The following HS3ST4 variants were observed in gnomAD, a reference collection of about 807,000 sequenced individuals.
HS3ST4 encodes heparan sulfate glucosamine 3-O-sulfotransferase 4.
Under a neutral mutation model 29.2 loss-of-function variants are expected in HS3ST4, and 17 were observed. That is an observed-to-expected ratio of 0.58 (90% confidence interval 0.40 to 0.87). HS3ST4 has a LOEUF of 0.87. HS3ST4 is among the 40% of genes least tolerant of loss of function. The pLI is 0.00. For missense variants in HS3ST4, 627 were observed against 634.5 expected (o/e 0.99, Z 0.13); for synonymous variants, 314 against 285.7 (o/e 1.10, Z -1.00).
intron 1 of HS3ST4, among the ~76,000 whole-genome samples, chr16:26,046,687 A>G (rs2141762458): frequency 6.6e-6 from 1 of 152,212 alleles, no homozygotes; most frequent in South Asian, 2.1e-4. Context: ...AGCTTCATGT[A>G]GAGAAATTTA....
chr16:25,906,500 T>TGAGAAAGTC (rs1968182430), intron 1 of HS3ST4, among the ~76,000 whole-genome samples: 1 of 152,072 alleles, frequency 6.6e-6, no homozygotes, highest in South Asian at 2.1e-4. Context: ...GCAGTAACCA[T>TGAGAAAGTC]GAGAAAGTCC....
chr16:25,878,507 C>T (rs916059360), intron 1 of HS3ST4, among the ~76,000 whole-genome samples: 1 of 152,144 alleles, frequency 6.6e-6, no homozygotes. Context: ...AATTCTACTT[C>T]AACTAACACA....
chr16:25,925,344 GAAACA>G (rs1362335236), intron 1 of HS3ST4, among the ~76,000 whole-genome samples: 1 of 152,014 alleles, frequency 6.6e-6, no homozygotes, highest in Admixed American at 6.6e-5. Flanking sequence ...AGCTTGAAGG[GAAACA>G]GTGGCTTGGC....
intron 1 of HS3ST4, among the ~76,000 whole-genome samples, chr16:26,072,935 T>G (rs559804227): frequency 2.0e-5 from 3 of 152,184 alleles, no homozygotes; most frequent in Non-Finnish European, 4.4e-5. Flanking sequence ...AAAGTAAATC[T>G]CTACAAAAAA....
chr16:26,072,402 A>G (rs1898612900), intron 1 of HS3ST4, among the ~76,000 whole-genome samples: 1 of 152,154 alleles, frequency 6.6e-6, no homozygotes. Flanking sequence ...TGGGACACGG[A>G]GCATCAGAAT....
At chr16:26,077,772 TC>T (rs764041418) in intron 1 of HS3ST4, among the ~76,000 whole-genome samples, 2 of 152,234 alleles carry the variant, frequency 1.3e-5, no homozygotes, top group Non-Finnish European at 2.9e-5. Context: ...TCAATAAGCC[TC>T]AAAAATGAAC....
At chr16:25,816,360 G>A (rs763562217) in intron 1 of HS3ST4, among the ~76,000 whole-genome samples, 3 of 152,174 alleles carry the variant, frequency 2.0e-5, no homozygotes, top group Non-Finnish European at 2.9e-5. Context: ...TCCATTGACA[G>A]TCAGAGGCGA....
chr16:25,846,608 C>G (rs1016936482), intron 1 of HS3ST4, among the ~76,000 whole-genome samples: 3 of 151,736 alleles, frequency 2.0e-5, no homozygotes, highest in Non-Finnish European at 2.9e-5. Flanking sequence ...ATCTTTCAGC[C>G]CACAGATATT....
chr16:25,803,328 T>C (rs1349343406), intron 1 of HS3ST4, among the ~76,000 whole-genome samples: 1 of 152,196 alleles, frequency 6.6e-6, no homozygotes, highest in Non-Finnish European at 1.5e-5. Flanking sequence ...CAATTTTCTT[T>C]TCTTGCTCTT....
chr16:25,943,782 C>T (rs769534153), intron 1 of HS3ST4, among the ~76,000 whole-genome samples: 6 of 152,104 alleles, frequency 3.9e-5, no homozygotes, highest in Non-Finnish European at 8.8e-5. Context: ...CATGAGCAGT[C>T]TTATTTAATC....
At chr16:26,112,043 C>A (rs1246580917) in intron 1 of HS3ST4, among the ~76,000 whole-genome samples, 2 of 151,322 alleles carry the variant, frequency 1.3e-5, no homozygotes, top group Non-Finnish European at 2.9e-5. Flanking sequence ...CTCTTTTGAG[C>A]CCTGCCACAA....
intron 1 of HS3ST4, among the ~76,000 whole-genome samples, chr16:26,038,879 T>G (rs958608297): frequency 2.0e-5 from 3 of 152,038 alleles, no homozygotes; most frequent in African/African-American, 2.4e-5. Flanking sequence ...GAGACGGGGT[T>G]TCACTGTGTT....
chr16:25,830,926 C>G (rs1182390275), intron 1 of HS3ST4, among the ~76,000 whole-genome samples: 2 of 152,166 alleles, frequency 1.3e-5, no homozygotes, highest in Non-Finnish European at 2.9e-5. Flanking sequence ...AGTGGCTTCC[C>G]ACACTTCTCA....
intron 1 of HS3ST4, chr16:26,032,445 A>G: frequency 1.1e-6 from 1 of 890,406 alleles, no homozygotes; most frequent in South Asian, 1.4e-5. Flanking sequence ...AAAAAAGTAA[A>G]ACAAAATTCC....
At chr16:25,913,812 T>G (rs145964911) in intron 1 of HS3ST4, among the ~76,000 whole-genome samples, 2 of 144,194 alleles carry the variant, frequency 1.4e-5, no homozygotes, top group Non-Finnish European at 3.0e-5. Flanking sequence ...ATGTGTGGGG[T>G]GTGTGTGCAC....
intron 1 of HS3ST4, among the ~76,000 whole-genome samples, chr16:26,067,387 T>C (rs1373941310): frequency 6.6e-6 from 1 of 152,116 alleles, no homozygotes; most frequent in East Asian, 1.9e-4. Flanking sequence ...TGCTAGGTCA[T>C]GTCCCAAGGG....
intron 1 of HS3ST4, among the ~76,000 whole-genome samples, chr16:25,879,739 T>A (rs1967874249): frequency 6.6e-6 from 1 of 152,186 alleles, no homozygotes; most frequent in Non-Finnish European, 1.5e-5. Flanking sequence ...TATTAGTCTC[T>A]TCTCAAGTTG....
intron 1 of HS3ST4, among the ~76,000 whole-genome samples, chr16:25,701,403 T>C (rs1966333789): frequency 6.6e-6 from 1 of 152,136 alleles, no homozygotes. Context: ...TTCTCTATTC[T>C]TTACGGGGAA....
intron 1 of HS3ST4, chr16:26,032,455 C>T (rs56334882): frequency 0.08 from 74,003 of 921,990 alleles, 7,588 homozygotes; most frequent in African/African-American, 0.4. Context: ...AACAAAATTC[C>T]ACATTTTTAT....
Sources: allele counts gnomAD v4.1 joint callset (sites outside exome capture counted in the v4.1 genomes callset), GRCh38; gene constraint gnomAD v4.1.1; transcripts MANE v1.5; gene names NCBI Gene and HGNC (gene_info 2026-07-23, HGNC 2026-07-21).